Variants in SRPK2 observed in about 807,000 individuals in gnomAD.
The protein encoded by SRPK2 is SFRS protein kinase 2.
A neutral mutation model predicts 90.8 loss-of-function variants in SRPK2; 21 were observed. That is an observed-to-expected ratio of 0.23 (90% confidence interval 0.16 to 0.33). SRPK2 has a LOEUF of 0.33. Ranked by LOEUF, SRPK2 falls within the 10% of genes least tolerant of loss-of-function variation. The probability of loss-of-function intolerance (pLI) is 1.00; values close to 1 mark genes in which losing one functional copy is unlikely to be tolerated. For synonymous variants in SRPK2, 288 were observed against 311.1 expected (o/e 0.93, Z 0.78); for missense variants, 620 against 869.0 (o/e 0.71, Z 3.60).
intron 2 of SRPK2, among the ~76,000 whole-genome samples, chr7:105,221,630 C>T (rs183529036): frequency 8.5e-5 from 13 of 152,260 alleles, no homozygotes; most frequent in Admixed American, 8.5e-4. Context: ...CAAGATGCTG[C>T]TTTTTTCTGT....
At chr7:105,160,392 T>C (rs1293984610) in intron 7 of SRPK2, 115 bp downstream of exon 7, 7 of 576,588 alleles carry the variant, frequency 1.2e-5, no homozygotes, top group Non-Finnish European at 1.9e-5. Flanking sequence ...ACATAACATA[T>C]ATACATTATG....
intron 2 of SRPK2, among the ~76,000 whole-genome samples, chr7:105,231,388 G>A (rs1249862409): frequency 1.3e-5 from 2 of 152,068 alleles, no homozygotes; most frequent in South Asian, 2.1e-4. Flanking sequence ...ACATGAATGC[G>A]TCTTCATGGT....
intron 3 of SRPK2, among the ~76,000 whole-genome samples, chr7:105,175,084 G>A (rs1791660950): frequency 6.6e-6 from 1 of 151,480 alleles, no homozygotes; most frequent in Admixed American, 6.6e-5. Context: ...AGAGGTTGCG[G>A]AGTCGAGATC....
At chr7:105,244,946 G>C in intron 2 of SRPK2, 1 of 1,467,288 alleles carries the variant, frequency 6.8e-7, no homozygotes, top group East Asian at 2.3e-5. Flanking sequence ...CCGCCATGAG[G>C]AAAGCCGCTG....
chr7:105,123,336 A>C (rs1800674409), intron 15 of SRPK2, among the ~76,000 whole-genome samples: 2 of 152,252 alleles, frequency 1.3e-5, no homozygotes, highest in South Asian at 4.1e-4. Context: ...GTTCAACCTT[A>C]ACACACAGAC....
chr7:105,193,971 C>T (rs1794613849), intron 3 of SRPK2, among the ~76,000 whole-genome samples: 1 of 152,174 alleles, frequency 6.6e-6, no homozygotes, highest in Non-Finnish European at 1.5e-5. Flanking sequence ...AAATCTCACT[C>T]TTGAAGTTCC....
At chr7:105,268,769 A>G (rs1230844967) in intron 2 of SRPK2, 2 of 1,574,684 alleles carry the variant, frequency 1.3e-6, no homozygotes, top group Non-Finnish European at 1.7e-6. Flanking sequence ...TAGCAATGCT[A>G]CACCATTAAT....
chr7:105,283,551 T>C (rs962105967), intron 2 of SRPK2, among the ~76,000 whole-genome samples: 2 of 152,120 alleles, frequency 1.3e-5, no homozygotes, highest in Non-Finnish European at 2.9e-5. Flanking sequence ...TGTGTGTAAA[T>C]TGTCCAGAAT....
chr7:105,321,051 T>G (rs1812881002), intron 2 of SRPK2, among the ~76,000 whole-genome samples: 1 of 152,178 alleles, frequency 6.6e-6, no homozygotes, highest in Admixed American at 6.5e-5. Flanking sequence ...CAGGCTCATC[T>G]CAAACTCCTG....
At chr7:105,160,443 C>T in intron 7 of SRPK2, 64 bp downstream of exon 7, 1 of 866,252 alleles carries the variant, frequency 1.2e-6, no homozygotes, top group South Asian at 1.4e-5. Flanking sequence ...TTGTAAACAG[C>T]ATTCATGTTG....
chr7:105,301,353 T>A (rs114973109), intron 2 of SRPK2, among the ~76,000 whole-genome samples: 3 of 151,346 alleles, frequency 2.0e-5, no homozygotes, highest in African/African-American at 7.3e-5. Flanking sequence ...AGCTGGGCGC[T>A]GCCGAGGCCA....
rs1286988565 is a variant in SRPK2, at chr7:105,286,333, T to C, written c.72-82548A>G. Reference sequence around the variant, plus strand: ...CCATCCCTCTACAAATAATTTCTTTTGTCCTCTCTGCTAATCTTAAAACAA... The same window carrying C: ...CCATCCCTCTACAAATAATTTCTTTCGTCCTCTCTGCTAATCTTAAAACAA... On this transcript the variant is annotated intron_variant, in intron 2 of 15. Coordinates refer to ENST00000393651, the MANE Select transcript of SRPK2 (RefSeq NM_182692.3). Among the ~76,000 whole-genome samples the C allele has an allele frequency of 1.3e-5, 2 of 152,370 alleles. 1 individual carries two copies. Among genetic ancestry groups the C allele is most frequent in the Admixed American group, 1.3e-4 (2 of 15,306 alleles).
At chr7:105,390,611 T>G (rs1371607855), upstream of SRPK2, among the ~76,000 whole-genome samples, 190 of 126,398 alleles carry the variant, frequency 1.5e-3, no homozygotes, top group African/African-American at 6.0e-3. Context: ...GTTTTTGTTT[T>G]TTTTTTTTTT....
intron 3 of SRPK2, among the ~76,000 whole-genome samples, chr7:105,170,959 G>GAAAC: frequency 3.0e-5 from 1 of 33,626 alleles, no homozygotes; most frequent in African/African-American, 1.0e-4. Context: ...AAGAAAGAAA[G>GAAAC]AAAGAAAGAG....
intron 2 of SRPK2, among the ~76,000 whole-genome samples, chr7:105,369,542 A>G (rs1408630234): frequency 6.6e-6 from 1 of 152,144 alleles, no homozygotes; most frequent in Non-Finnish European, 1.5e-5. Flanking sequence ...GCCACTCCAC[A>G]CATTTTCAGA....
intron 2 of SRPK2, among the ~76,000 whole-genome samples, chr7:105,359,503 T>C (rs1376198171): frequency 2.0e-5 from 3 of 152,024 alleles, no homozygotes; most frequent in Admixed American, 1.3e-4. Flanking sequence ...TCTCCATGCT[T>C]ATCAACTTCA....
chr7:105,218,313 C>T (rs1797705857), intron 2 of SRPK2, among the ~76,000 whole-genome samples: 1 of 152,180 alleles, frequency 6.6e-6, no homozygotes, highest in African/African-American at 2.4e-5. Context: ...TAGAACTATA[C>T]AGCACAAACA....
intron 2 of SRPK2, among the ~76,000 whole-genome samples, chr7:105,281,961 T>G (rs550887662): frequency 6.6e-6 from 1 of 152,274 alleles, no homozygotes; most frequent in South Asian, 2.1e-4. Flanking sequence ...AACAAGCTGA[T>G]CATCAAATTC....
chr7:105,372,092 G>A (rs963983185), intron 2 of SRPK2, among the ~76,000 whole-genome samples: 6 of 142,766 alleles, frequency 4.2e-5, no homozygotes, highest in Admixed American at 2.2e-4. Context: ...CCGAGATAGC[G>A]CCACTGCACT....
Sources: allele counts gnomAD v4.1 joint callset (sites outside exome capture counted in the v4.1 genomes callset), GRCh38; gene constraint gnomAD v4.1.1; transcripts MANE v1.5; gene names NCBI Gene and HGNC (gene_info 2026-07-23, HGNC 2026-07-21).